The following PTPN12 variants were observed in gnomAD, a reference collection of about 807,000 sequenced individuals.
The protein encoded by PTPN12 is protein tyrosine phosphatase non-receptor type 12, also known as tyrosine-protein phosphatase non-receptor type 12.
Under a neutral mutation model 97.6 loss-of-function variants are expected in PTPN12, and 29 were observed. The observed-to-expected ratio is 0.30, with a 90% confidence interval of 0.22 to 0.41. PTPN12 has a LOEUF of 0.41. Ranked by LOEUF, PTPN12 falls within the 10% of genes least tolerant of loss-of-function variation. The pLI, the probability that PTPN12 is intolerant of heterozygous loss-of-function variation, is 1.00. For missense variants in PTPN12, 819 were observed against 926.0 expected (o/e 0.88, Z 1.50); for synonymous variants, 327 against 300.4 (o/e 1.09, Z -0.91).
chr7:77,619,436 A>G (rs1040909227), intron 12 of PTPN12, among the ~76,000 whole-genome samples: 3 of 152,178 alleles, frequency 2.0e-5, no homozygotes, highest in Admixed American at 2.0e-4. Flanking sequence ...AAAAGCCTGC[A>G]GCTTCCCTCA....
chr7:77,628,697 C>A (rs1341333093), intron 13 of PTPN12, among the ~76,000 whole-genome samples: 1 of 151,708 alleles, frequency 6.6e-6, no homozygotes, highest in Non-Finnish European at 1.5e-5. Flanking sequence ...ACTACCACAC[C>A]CAGCTAATTT....
rs985932388 is a variant in PTPN12, at chr7:77,604,973, C to T, written c.696-2262C>T. ...ACATGTACTCAGATCTGTTCCTGAA[C>T]TTTCTATTGTGTTTCATTGATCTGG... On this transcript the variant is annotated intron_variant, in intron 8 of 17. Transcript: ENST00000248594. The T allele has an allele frequency of 8.3e-5, 25 of 300,962 alleles. 1 individual carries two copies. The highest frequency in any genetic ancestry group is 2.1e-5 in the Non-Finnish European group (3 of 144,222). The allele number at this position is 300,962 out of a possible 1,614,324, so 18.6% of individuals were successfully genotyped here. A position where few individuals can be genotyped will look rare whatever the true frequency, so the allele number is the denominator to read the frequency against.
At chr7:77,624,501 G>C (rs1257220941) in intron 12 of PTPN12, among the ~76,000 whole-genome samples, 2 of 151,934 alleles carry the variant, frequency 1.3e-5, no homozygotes, top group East Asian at 3.9e-4. Context: ...GTGCAGTGGC[G>C]TGATCTCAGC....
At chr7:77,542,055 G>T (rs996012738) in intron 1 of PTPN12, among the ~76,000 whole-genome samples, 3 of 152,146 alleles carry the variant, frequency 2.0e-5, no homozygotes, top group African/African-American at 7.2e-5. Context: ...GGTTGGGGAG[G>T]TGGTCCTGGA....
Position 77,627,496 on chromosome 7 carries a change from CAG to C in PTPN12, c.1819_1820del (p.Asp607LeufsTer3). 1 of 1,613,836 alleles carries C rather than the reference CAG, an allele frequency of 6.2e-7. No individual in the cohort carries two copies. The highest frequency in any genetic ancestry group is 8.5e-7 in the Non-Finnish European group (1 of 1,179,770). On this transcript the variant is annotated frameshift_variant, in exon 13 of 18. Transcript: ENST00000248594. LOFTEE classifies it high-confidence loss of function. The stretch of plus-strand genomic sequence containing the variant: ...ACTAATCCACTTCACTCTGATGACT[CAG>C]ACTCAGATGAAAGAAACTCTGATGG...
intron 1 of PTPN12, among the ~76,000 whole-genome samples, chr7:77,543,531 A>C (rs1807082345): frequency 6.6e-6 from 1 of 152,182 alleles, no homozygotes; most frequent in Admixed American, 6.5e-5. Flanking sequence ...CTTTATTGAG[A>C]TATAAGTACC....
At chr7:77,550,217 C>T (rs1405642355) in intron 1 of PTPN12, among the ~76,000 whole-genome samples, 1 of 151,894 alleles carries the variant, frequency 6.6e-6, no homozygotes, top group Non-Finnish European at 1.5e-5. Context: ...TGTGTGTTAA[C>T]GTGTGGGTAG....
chr7:77,638,791 C>A, intron 17 of PTPN12, 60 bp downstream of exon 17: 1 of 1,526,884 alleles, frequency 6.5e-7, no homozygotes, highest in South Asian at 1.3e-5. Flanking sequence ...ATGAGAAAAG[C>A]TCATTTGCCA....
intron 1 of PTPN12, chr7:77,538,810 A>G (rs949808492): frequency 3.3e-5 from 5 of 151,616 alleles, no homozygotes; most frequent in African/African-American, 9.7e-5. Context: ...TGCTGCTCCT[A>G]CGGATATTGC....
Position 77,577,242 on chromosome 7 carries a change from G to A in PTPN12, c.209-4185G>A, listed in dbSNP as rs138272291. 2.0e-3 allele frequency among the ~76,000 whole-genome samples: 307 copies of A among 152,208 alleles called. 4 individuals are homozygous for A. Among genetic ancestry groups the A allele is most frequent in the African/African-American group, 7.1e-3 (294 of 41,518 alleles). ...ACCCAGAGCCTTGGCTTTTAAATCA[G>A]GCAGCCCCAGTTTCAAATGTGTCAC... On this transcript the variant is annotated intron_variant, in intron 2 of 17. Transcript: ENST00000248594.
intron 12 of PTPN12, among the ~76,000 whole-genome samples, chr7:77,619,169 G>A (rs1301727545): frequency 6.6e-6 from 1 of 152,054 alleles, no homozygotes; most frequent in Non-Finnish European, 1.5e-5. Context: ...TAATCCTGGG[G>A]AGAAGGAGTT....
intron 9 of PTPN12, among the ~76,000 whole-genome samples, chr7:77,608,488 C>T (rs937398634): frequency 6.6e-6 from 1 of 152,154 alleles, no homozygotes; most frequent in Non-Finnish European, 1.5e-5. Context: ...CAAGTCTCTT[C>T]ATTATGTATA....
chr7:77,610,529 G>A (rs1788535653), intron 9 of PTPN12, among the ~76,000 whole-genome samples: 1 of 152,080 alleles, frequency 6.6e-6, no homozygotes, highest in Non-Finnish European at 1.5e-5. Context: ...TTTATTCCCT[G>A]TATACTGCAG....
intron 6 of PTPN12, among the ~76,000 whole-genome samples, chr7:77,596,426 G>A (rs989753284): frequency 3.3e-5 from 5 of 151,848 alleles, no homozygotes; most frequent in African/African-American, 1.2e-4. Context: ...TTTGTTTTGA[G>A]ACAGGGTCTC....
chr7:77,584,721 C>CA (rs1273694385), intron 4 of PTPN12, among the ~76,000 whole-genome samples: 1 of 151,904 alleles, frequency 6.6e-6, no homozygotes, highest in Non-Finnish European at 1.5e-5. Context: ...ACTAAAAATA[C>CA]AAAAAATTAG....
chr7:77,596,889 G>C (rs559704150), intron 6 of PTPN12, among the ~76,000 whole-genome samples: 27 of 152,108 alleles, frequency 1.8e-4, no homozygotes, highest in Non-Finnish European at 3.2e-4. Context: ...TTATCACCAA[G>C]AGTTCACATT....
At chr7:77,583,452 A>G in intron 3 of PTPN12, 103 bp from the exon 4 acceptor site, 1 of 736,802 alleles carries the variant, frequency 1.4e-6, no homozygotes, top group Admixed American at 2.9e-5. Flanking sequence ...GGTTTAAGTT[A>G]AAACAACAAT....
At chr7:77,564,370 A>G (rs974265828) in intron 1 of PTPN12, among the ~76,000 whole-genome samples, 1 of 152,196 alleles carries the variant, frequency 6.6e-6, no homozygotes, top group African/African-American at 2.4e-5. Context: ...TTAAATTAAT[A>G]CTATTAAGAT....
chr7:77,561,818 G>A (rs556136188), intron 1 of PTPN12, among the ~76,000 whole-genome samples: 1 of 151,780 alleles, frequency 6.6e-6, no homozygotes, highest in South Asian at 2.1e-4. Context: ...TTGAGACAGA[G>A]TCTTGCTCTG....
Sources: allele counts gnomAD v4.1 joint callset (sites outside exome capture counted in the v4.1 genomes callset), GRCh38; gene constraint gnomAD v4.1.1; transcripts MANE v1.5; gene names NCBI Gene and HGNC (gene_info 2026-07-23, HGNC 2026-07-21).